KSR2: variants seen among roughly 807,000 people sequenced by gnomAD.
KSR2 encodes kinase suppressor of ras 2.
KSR2 carries 25 observed loss-of-function variants against 107.8 expected under a neutral mutation model. That is an observed-to-expected ratio of 0.23 (90% CI 0.17 to 0.32). KSR2 has a LOEUF of 0.32. Among genes scored for constraint, KSR2 ranks in the 10% least tolerant of loss-of-function variants. KSR2 has a pLI of 1.00. For synonymous variants in KSR2, 480 were observed against 507.0 expected (o/e 0.95, Z 0.71); for missense variants, 887 against 1,268.9 (o/e 0.70, Z 4.57).
intron 16 of KSR2, among the ~76,000 whole-genome samples, chr12:117,481,441 C>T (rs1356878048): frequency 6.6e-6 from 1 of 152,198 alleles, no homozygotes; most frequent in Non-Finnish European, 1.5e-5. Flanking sequence ...ACCTCTCTCT[C>T]TCTCTTTCGG....
Position 117,656,981 on chromosome 12 carries a change from G to GATATATATAT in KSR2, c.1171+10483_1171+10492dup, listed in dbSNP as rs59605571. On this transcript the variant is annotated intron_variant, in intron 5 of 19. Coordinates refer to ENST00000339824, the MANE Select transcript of KSR2 (RefSeq NM_173598.6). The stretch of plus-strand genomic sequence containing the variant: ...ATAATAGGATATATATATATAATAG[G>GATATATATAT]ATATATATATATATATATATATATA... Among the ~76,000 whole-genome samples the GATATATATAT allele has an allele frequency of 3.7e-3, 366 of 98,114 alleles. 4 individuals carry two copies. Among genetic ancestry groups the GATATATATAT allele is most frequent in the African/African-American group, 0.01 (235 of 23,088 alleles). 64.4% of individuals were successfully genotyped at this position (98,114 alleles called of 152,430 possible).
In KSR2 at chr12:117,630,448, G is replaced by A. The variant is rs114462501; in HGVS notation, c.1171+37026C>T. On this transcript the variant is annotated intron_variant, in intron 5 of 19. Transcript: ENST00000339824. ...GGGTTGGAAGGTTGGGGGAGATATG[G>A]TACAAAATGAAGCTGGAGATGTAGG... 4.0e-3 allele frequency among the ~76,000 whole-genome samples: 614 copies of A among 152,208 alleles called. 5 individuals are homozygous for A. The highest frequency in any genetic ancestry group is 0.014 in the African/African-American group (587 of 41,528).
intron 5 of KSR2, among the ~76,000 whole-genome samples, chr12:117,625,670 T>C (rs879988938): frequency 1.3e-5 from 2 of 152,302 alleles, no homozygotes; most frequent in South Asian, 4.1e-4. Context: ...TTTTCTTTTT[T>C]TGTTGTGTCT....
chr12:117,858,078 A>G (rs987408066), intron 2 of KSR2, among the ~76,000 whole-genome samples: 5 of 152,320 alleles, frequency 3.3e-5, no homozygotes, highest in Middle Eastern at 3.4e-3. Flanking sequence ...AAGTGAAGCC[A>G]GAGATCTCTG....
At chr12:117,471,553 G>A (rs1384768623) in intron 17 of KSR2, among the ~76,000 whole-genome samples, 1 of 151,998 alleles carries the variant, frequency 6.6e-6, no homozygotes, top group African/African-American at 2.4e-5. Flanking sequence ...ATATAATGTG[G>A]TTAGGATCTC....
At chr12:117,769,714 T>C (rs185171292) in intron 3 of KSR2, among the ~76,000 whole-genome samples, 46 of 152,320 alleles carry the variant, frequency 3.0e-4, no homozygotes, top group South Asian at 2.1e-3. Flanking sequence ...AATAAATGCA[T>C]ACAGTGCTTT....
rs1470029402 is a variant in KSR2 at position 117,464,024 on chromosome 12, G to C, written c.*3175C>G. Reference sequence around the variant, plus strand: ...AAAATTTTCTCTTTGATCAGTAAAAGGAATACCAGGACAAAATGGATCTAA... The same window carrying C: ...AAAATTTTCTCTTTGATCAGTAAAACGAATACCAGGACAAAATGGATCTAA... On this transcript the variant is annotated 3_prime_UTR_variant, in exon 20 of 20. Coordinates refer to ENST00000339824, the MANE Select transcript of KSR2 (RefSeq NM_173598.6). 1.3e-5 allele frequency: 2 copies of C among 152,192 alleles called. No homozygotes were observed. 9.4% of individuals were successfully genotyped at this position (152,192 alleles called of 1,614,324 possible).
chr12:117,899,896 A>G lies in KSR2; in HGVS notation c.181-39465T>C, dbSNP rs562494016. Among the ~76,000 whole-genome samples the G allele has an allele frequency of 2.6e-5, 4 of 152,258 alleles. No homozygotes were observed. The East Asian group carries it at 7.7e-4, about 29-fold the overall frequency. On this transcript the variant is annotated intron_variant, in intron 1 of 19. Transcript: ENST00000339824. Reference sequence around the variant, plus strand: ...AGCAACTTGAGAAGACTTCTAGGACATGAAGTGTATCTCCACCGAACAGTG... The same window carrying G: ...AGCAACTTGAGAAGACTTCTAGGACGTGAAGTGTATCTCCACCGAACAGTG...
intron 3 of KSR2, among the ~76,000 whole-genome samples, chr12:117,790,028 G>A (rs1462062295): frequency 3.3e-5 from 5 of 152,116 alleles, no homozygotes; most frequent in Non-Finnish European, 7.4e-5. Flanking sequence ...CGCTTCCACC[G>A]TCACACCTGG....
chr12:117,934,919 G>A (rs895063867), intron 1 of KSR2, among the ~76,000 whole-genome samples: 5 of 151,748 alleles, frequency 3.3e-5, no homozygotes, highest in African/African-American at 1.2e-4. Flanking sequence ...TTGAACTCCT[G>A]GGTTCAAGGG....
At chr12:117,787,086 T>C (rs1890103931) in intron 3 of KSR2, among the ~76,000 whole-genome samples, 1 of 152,052 alleles carries the variant, frequency 6.6e-6, no homozygotes, top group African/African-American at 2.4e-5. Flanking sequence ...GCTTCCTTCC[T>C]AGACCATCTC....
intron 3 of KSR2, among the ~76,000 whole-genome samples, chr12:117,849,321 G>A (rs994558087): frequency 6.6e-6 from 1 of 152,156 alleles, no homozygotes; most frequent in African/African-American, 2.4e-5. Context: ...ACACTAGAAA[G>A]TAAACTTTAT....
At chr12:117,954,946 C>T (rs1896463106) in intron 1 of KSR2, among the ~76,000 whole-genome samples, 1 of 150,708 alleles carries the variant, frequency 6.6e-6, no homozygotes, top group South Asian at 2.1e-4. Context: ...GAACCCAGTA[C>T]ACGGAGGTTG....
At chr12:117,836,939 G>A (rs1892239752) in intron 3 of KSR2, among the ~76,000 whole-genome samples, 1 of 152,188 alleles carries the variant, frequency 6.6e-6, no homozygotes, top group Non-Finnish European at 1.5e-5. Context: ...TGTCGCTTCG[G>A]AGCTCCCTTT....
intron 1 of KSR2, among the ~76,000 whole-genome samples, chr12:117,958,456 C>T (rs76971407): frequency 9.2e-5 from 14 of 152,242 alleles, no homozygotes; most frequent in African/African-American, 1.2e-4. Flanking sequence ...GCCACAAGGA[C>T]GTCCACTGTG....
At chr12:117,556,464 T>G (rs1390727510) in intron 8 of KSR2, among the ~76,000 whole-genome samples, 1 of 152,080 alleles carries the variant, frequency 6.6e-6, no homozygotes, top group Non-Finnish European at 1.5e-5. Context: ...CAATTAAGGA[T>G]GTGGGGTGGG....
intron 5 of KSR2, among the ~76,000 whole-genome samples, chr12:117,603,007 T>C (rs112804051): frequency 1.3e-5 from 2 of 152,158 alleles, no homozygotes; most frequent in East Asian, 1.9e-4. Flanking sequence ...AGCTGGCAAA[T>C]TGAGGAACTT....
chr12:117,770,695 G>A (rs749683731), intron 3 of KSR2, among the ~76,000 whole-genome samples: 4 of 151,750 alleles, frequency 2.6e-5, no homozygotes, highest in African/African-American at 4.8e-5. Context: ...TCGGTCGGGC[G>A]CGGTGACTCA....
chr12:117,522,972 CT>C (rs1024423143), intron 14 of KSR2, among the ~76,000 whole-genome samples: 2 of 152,196 alleles, frequency 1.3e-5, no homozygotes, highest in African/African-American at 4.8e-5. Flanking sequence ...AGCTCAGCCC[CT>C]GAAGATTACC....
Sources: allele counts gnomAD v4.1 joint callset (sites outside exome capture counted in the v4.1 genomes callset), GRCh38; gene constraint gnomAD v4.1.1; transcripts MANE v1.5; gene names NCBI Gene and HGNC (gene_info 2026-07-23, HGNC 2026-07-21).